Variants in KCND3 observed in about 807,000 individuals in gnomAD.
The protein encoded by KCND3 is A-type voltage-gated potassium channel KCND3.
Under a neutral mutation model 51.1 loss-of-function variants are expected in KCND3, and 9 were observed. That is an observed-to-expected ratio of 0.18 (90% CI 0.11 to 0.31). The LOEUF (loss-of-function observed/expected upper bound fraction) is 0.31, where lower values mean the gene tolerates loss of function less well. Ranked by LOEUF, KCND3 falls within the 10% of genes least tolerant of loss-of-function variation. The pLI, the probability that KCND3 is intolerant of heterozygous loss-of-function variation, is 1.00. For missense variants in KCND3, 526 were observed against 903.8 expected (o/e 0.58, Z 5.36); for synonymous variants, 349 against 368.0 (o/e 0.95, Z 0.59).
At chr1:111,970,930 C>CAGAT (rs1439911158) in intron 2 of KCND3, among the ~76,000 whole-genome samples, 3 of 152,208 alleles carry the variant, frequency 2.0e-5, no homozygotes, top group African/African-American at 7.2e-5. Context: ...GGGCCCAAGA[C>CAGAT]AGATGTCTCC....
intron 2 of KCND3, among the ~76,000 whole-genome samples, chr1:111,818,050 A>G (rs1189755069): frequency 3.7e-5 from 5 of 135,198 alleles, no homozygotes; most frequent in African/African-American, 1.2e-4. Context: ...GCACACACAC[A>G]CACACACACA....
At chr1:111,798,659 G>A (rs1416645617) in intron 2 of KCND3, among the ~76,000 whole-genome samples, 3 of 151,678 alleles carry the variant, frequency 2.0e-5, no homozygotes, top group Admixed American at 1.3e-4. Context: ...CAAACTGCAA[G>A]CTCCAGGAGA....
Position 111,811,457 on chromosome 1 carries a change from C to T in KCND3, c.1107-24351G>A, listed in dbSNP as rs560192221. On this transcript the variant is annotated intron_variant, in intron 2 of 7. Coordinates refer to ENST00000302127, the MANE Select transcript of KCND3 (RefSeq NM_001378969.1). ...CTGACAATGCTTGGCTCAAGAAATA[C>T]GCAGAAAAGCTGTGAGGGGTCTGTC... Among the ~76,000 whole-genome samples the T allele has an allele frequency of 4.6e-5, 7 of 152,230 alleles. No homozygotes were observed. The South Asian group carries it at 8.3e-4, about 18-fold the overall frequency.
chr1:111,833,673 A>ACC (rs1051330746), intron 2 of KCND3, among the ~76,000 whole-genome samples: 1 of 152,200 alleles, frequency 6.6e-6, no homozygotes, highest in Non-Finnish European at 1.5e-5. Flanking sequence ...CTGCCCATAT[A>ACC]CGAAGGCCAG....
chr1:111,966,013 A>T (rs1191550403), intron 2 of KCND3, among the ~76,000 whole-genome samples: 1 of 152,068 alleles, frequency 6.6e-6, no homozygotes, highest in Non-Finnish European at 1.5e-5. Flanking sequence ...GATGGTGGTG[A>T]CTGGGACCTC....
At chr1:111,842,954 T>C (rs1280823201) in intron 2 of KCND3, among the ~76,000 whole-genome samples, 1 of 152,228 alleles carries the variant, frequency 6.6e-6, no homozygotes, top group Non-Finnish European at 1.5e-5. Flanking sequence ...TTATGCTATG[T>C]TTATTTTTGG....
chr1:111,780,830 A>G lies in KCND3; in HGVS notation c.1270-39T>C, dbSNP rs763451474. Reference sequence around the variant, plus strand: ...AGATAATAAAAGAATGAGGCAGACCATGATACAAAAAGACAGCAAGGCTGG... The same window carrying G: ...AGATAATAAAAGAATGAGGCAGACCGTGATACAAAAAGACAGCAAGGCTGG... On this transcript the variant is annotated intron_variant, in intron 3 of 7. Transcript: ENST00000302127. This position sits in a 1 kb window ranked among gnomAD's most constrained non-coding sequence, Gnocchi z 4.2. The G allele has an allele frequency of 1.9e-6, 3 of 1,542,006 alleles. No homozygotes were observed. The Admixed American group carries it at 5.4e-5, about 28-fold the overall frequency.
At chr1:111,891,328 G>A (rs138254636) in intron 2 of KCND3, among the ~76,000 whole-genome samples, 1 of 152,312 alleles carries the variant, frequency 6.6e-6, no homozygotes, top group East Asian at 1.9e-4. Flanking sequence ...AAAAAATGGT[G>A]AGAGTCTGTT....
chr1:111,835,799 T>C (rs1475230404), intron 2 of KCND3, among the ~76,000 whole-genome samples: 1 of 152,242 alleles, frequency 6.6e-6, no homozygotes, highest in Non-Finnish European at 1.5e-5. Flanking sequence ...ACTACAAGCA[T>C]ATTTAGTCGA....
At chr1:111,934,891 A>G (rs1194998325) in intron 2 of KCND3, among the ~76,000 whole-genome samples, 1 of 152,242 alleles carries the variant, frequency 6.6e-6, no homozygotes, top group Non-Finnish European at 1.5e-5. Flanking sequence ...TGTGATTATT[A>G]AACAAGTTAA....
intron 2 of KCND3, among the ~76,000 whole-genome samples, chr1:111,813,700 G>A (rs1665959486): frequency 6.6e-6 from 1 of 152,184 alleles, no homozygotes; most frequent in Non-Finnish European, 1.5e-5. Context: ...TAGGTCAAAG[G>A]GTGCTGGACA....
intron 2 of KCND3, among the ~76,000 whole-genome samples, chr1:111,929,556 C>A (rs1318597097): frequency 6.6e-6 from 1 of 152,238 alleles, no homozygotes; most frequent in Non-Finnish European, 1.5e-5. Context: ...CTTGTCCCAA[C>A]TACCCAGTTG....
At chr1:111,872,502 G>T (rs531191937) in intron 2 of KCND3, among the ~76,000 whole-genome samples, 1 of 152,310 alleles carries the variant, frequency 6.6e-6, no homozygotes, top group African/African-American at 2.4e-5. Flanking sequence ...GGGAAATGCT[G>T]GTATAGAAGG....
At chr1:111,898,762 G>T (rs1670246639) in intron 2 of KCND3, among the ~76,000 whole-genome samples, 1 of 152,078 alleles carries the variant, frequency 6.6e-6, no homozygotes, top group Non-Finnish European at 1.5e-5. Context: ...CAGAGTGTGG[G>T]GTCCAGACAG....
intron 2 of KCND3, among the ~76,000 whole-genome samples, chr1:111,826,876 G>T (rs1666603154): frequency 6.6e-6 from 1 of 152,182 alleles, no homozygotes; most frequent in African/African-American, 2.4e-5. Flanking sequence ...ACCCTATGAG[G>T]CTGGTACTAC....
At chr1:111,839,081 CT>C in intron 2 of KCND3, among the ~76,000 whole-genome samples, 1 of 152,214 alleles carries the variant, frequency 6.6e-6, no homozygotes, top group East Asian at 1.9e-4. Context: ...ACTGCTCTAT[CT>C]TTTTAGAGTT....
chr1:111,807,962 A>G (rs571715437), intron 2 of KCND3, among the ~76,000 whole-genome samples: 11 of 152,384 alleles, frequency 7.2e-5, no homozygotes, highest in African/African-American at 2.4e-4. Context: ...AATGGGAACT[A>G]AAAAGTGACC....
At chr1:111,919,537 G>A (rs1181132206) in intron 2 of KCND3, among the ~76,000 whole-genome samples, 1 of 152,156 alleles carries the variant, frequency 6.6e-6, no homozygotes, top group Non-Finnish European at 1.5e-5. Context: ...AGGGGGCATG[G>A]TATGAGATGG....
At chr1:111,945,059 G>T (rs886556177) in intron 2 of KCND3, among the ~76,000 whole-genome samples, 10 of 152,208 alleles carry the variant, frequency 6.6e-5, no homozygotes, top group African/African-American at 2.2e-4. Flanking sequence ...GAGGTCAAGT[G>T]GTAGAGGGGA....
Sources: gnomAD v4.1 joint callset for allele counts (sites outside exome capture counted in the v4.1 genomes callset) on GRCh38, gnomAD v4.1.1 for gene constraint, Gnocchi (gnomAD v3.1) non-coding constraint, MANE v1.5 for transcripts, NCBI Gene and HGNC (gene_info 2026-07-23, HGNC 2026-07-21) for gene names.